Variants in DHX8 observed in about 807,000 individuals in gnomAD.
The protein encoded by DHX8 is DEAH-box helicase 8.
In DHX8, 67 loss-of-function variants were observed where a neutral mutation model predicts 140.7. The observed-to-expected ratio is 0.48, with a 90% CI of 0.39 to 0.58. The LOEUF (loss-of-function observed/expected upper bound fraction) is 0.58. DHX8 is among the 20% of genes least tolerant of loss of function. The pLI is 0.00. For missense variants in DHX8, 887 were observed against 1,550.7 expected (o/e 0.57, Z 7.19); for synonymous variants, 533 against 553.2 (o/e 0.96, Z 0.51).
intron 2 of DHX8, 46 bp from the exon 3 acceptor site, chr17:43,490,345 A>T: frequency 6.8e-7 from 1 of 1,475,802 alleles, no homozygotes; most frequent in Non-Finnish European, 9.4e-7. Flanking sequence ...GTATTTAAGC[A>T]CTGATATGGG....
At chr17:43,489,085 A>C (rs1482839152) in intron 1 of DHX8, among the ~76,000 whole-genome samples, 1 of 151,850 alleles carries the variant, frequency 6.6e-6, no homozygotes, top group African/African-American at 2.4e-5. Flanking sequence ...GCTTACTGCA[A>C]CCTCTGCCTC....
chr17:43,492,592 ATGTGCATGGCAC>A, intron 5 of DHX8, 77 bp from the exon 6 acceptor site: 1 of 748,852 alleles, frequency 1.3e-6, no homozygotes, highest in Non-Finnish European at 2.3e-6. Context: ...GGTACCTACC[ATGTGCATGGCAC>A]TGTACTGGGT....
chr17:43,505,340 C>T (rs971029535), intron 12 of DHX8, among the ~76,000 whole-genome samples: 4 of 151,820 alleles, frequency 2.6e-5, no homozygotes, highest in African/African-American at 7.3e-5. Flanking sequence ...ATCAGGGAGT[C>T]GGAGGTTGCA....
chr17:43,529,025 AT>A, downstream of DHX8: 1 of 1,055,302 alleles, frequency 9.5e-7, no homozygotes, highest in Non-Finnish European at 1.5e-6. Context: ...TGACTGATTC[AT>A]TATCTGATCC....
At chr17:43,484,244 AG>A in intron 1 of DHX8, 59 bp downstream of exon 1, 4 of 1,558,902 alleles carry the variant, frequency 2.6e-6, no homozygotes, top group African/African-American at 1.4e-5. Context: ...GGAAGGAGGA[AG>A]GAGGAAGGAG....
intron 2 of DHX8, among the ~76,000 whole-genome samples, chr17:43,534,397 G>C (rs985530217): frequency 6.6e-6 from 1 of 152,132 alleles, no homozygotes; most frequent in Non-Finnish European, 1.5e-5. Flanking sequence ...AGGAGGCTGG[G>C]GCAAGGGAAT....
At chr17:43,526,356 A>G (rs1970616283), downstream of DHX8, 1 of 1,468,942 alleles carries the variant, frequency 6.8e-7, no homozygotes, top group Non-Finnish European at 9.0e-7. Context: ...CTCTGCACAC[A>G]TGCTGAGTGT....
intron 3 of DHX8, among the ~76,000 whole-genome samples, chr17:43,540,041 G>T (rs1029854496): frequency 1.3e-5 from 2 of 152,142 alleles, no homozygotes; most frequent in Non-Finnish European, 2.9e-5. Flanking sequence ...CATGAAATCC[G>T]CTGGCAAGAA....
downstream of DHX8, chr17:43,529,745 C>T (rs924948591): frequency 8.2e-6 from 13 of 1,590,046 alleles, no homozygotes; most frequent in South Asian, 8.0e-5. Flanking sequence ...GCCTCCCACC[C>T]GAGGGATTTC....
At chr17:43,533,263 C>T in intron 2 of DHX8, 1 of 1,613,934 alleles carries the variant, frequency 6.2e-7, no homozygotes, top group South Asian at 1.1e-5. Context: ...CGTTGCTCTG[C>T]CCGGGGAAAG....
In DHX8 at chr17:43,489,313, T is replaced by G; in HGVS notation, c.149-136T>G. ...AGCCACCACACCTGGCCAGATTTTC[T>G]CTCTTTACCCTTACCAGATGGTGGT... On this transcript the variant is annotated intron_variant, in intron 1 of 22. Transcript: ENST00000262415. The G allele has an allele frequency of 4.9e-6, 3 of 615,686 alleles. No individual in the cohort carries two copies. In the South Asian group the frequency reaches 6.3e-5, roughly 13 times the overall value. The allele number at this position is 615,686 out of a possible 1,614,324, so 38.1% of individuals were successfully genotyped here.
At chr17:43,528,560 G>C (rs1204804775), downstream of DHX8, 1 of 1,613,522 alleles carries the variant, frequency 6.2e-7, no homozygotes, top group Admixed American at 1.7e-5. Context: ...GGCTGGGCGG[G>C]GCCAGCCAGC....
At chr17:43,530,314 T>C, downstream of DHX8, 1 of 1,485,692 alleles carries the variant, frequency 6.7e-7, no homozygotes, top group Non-Finnish European at 9.0e-7. Context: ...TTTGCCCAGG[T>C]TGCCTGCCAA....
chr17:43,526,083 C>G (rs374851207), downstream of DHX8: 21 of 985,348 alleles, frequency 2.1e-5, no homozygotes, highest in East Asian at 1.8e-3. Context: ...GACCTTTTGA[C>G]CATCAGGAAA....
chr17:43,508,247 G>T, intron 15 of DHX8, 92 bp from the exon 16 acceptor site: 1 of 1,499,362 alleles, frequency 6.7e-7, no homozygotes, highest in Non-Finnish European at 8.9e-7. Context: ...CATATGTTCT[G>T]TTATTTGAAG....
At chr17:43,489,131 A>G (rs1968350496) in intron 1 of DHX8, among the ~76,000 whole-genome samples, 1 of 152,042 alleles carries the variant, frequency 6.6e-6, no homozygotes, top group Non-Finnish European at 1.5e-5. Context: ...CAGTCTCCCA[A>G]GTAGCTGGGA....
intron 3 of DHX8, among the ~76,000 whole-genome samples, chr17:43,537,850 C>T (rs1450229030): frequency 2.7e-5 from 4 of 150,490 alleles, no homozygotes; most frequent in East Asian, 2.0e-4. Context: ...AAAATTAGGC[C>T]GGGCGCGGTG....
downstream of DHX8, among the ~76,000 whole-genome samples, chr17:43,527,595 G>A (rs1261861198): frequency 2.0e-5 from 3 of 152,272 alleles, no homozygotes. Flanking sequence ...CGCCTGTCCA[G>A]GTTATCAAGT....
rs1274367885 is a variant in DHX8 at position 43,508,503 on chromosome 17, C to G, written c.2485C>G (p.Pro829Ala). 1 of 1,612,342 alleles carries G rather than the reference C, an allele frequency of 6.2e-7. No homozygotes were observed. The highest frequency in any genetic ancestry group is 1.7e-5 in the Admixed American group (1 of 59,690). ...GCAGACCCGAATCTTTGACCCAGCTCCACCAGGCAGCAGAAAGGTAACATG... is the reference window on the plus strand; with the variant it reads ...GCAGACCCGAATCTTTGACCCAGCTGCACCAGGCAGCAGAAAGGTAACATG... ...EMQTRIFDPA[P>A]PGSRKVVIAT... Residue 829 changes from proline to alanine, a missense_variant, in exon 16 of 23, where the codon CCA becomes GCA. Physicochemically the swap from Pro to Ala is conservative, Grantham distance 27 (BLOSUM62 -1). Transcript: ENST00000262415.
Sources: allele counts gnomAD v4.1 joint callset (sites outside exome capture counted in the v4.1 genomes callset), GRCh38; gene constraint gnomAD v4.1.1; transcripts MANE v1.5; gene names NCBI Gene and HGNC (gene_info 2026-07-23, HGNC 2026-07-21).